Variants in SNTB2 observed in about 807,000 individuals in gnomAD.
SNTB2 encodes syntrophin beta 2, also known as beta-2-syntrophin.
In SNTB2, 34 loss-of-function variants were observed where a neutral mutation model predicts 46.2. The observed-to-expected ratio is 0.74, with a 90% CI of 0.56 to 0.98. The LOEUF is 0.98. SNTB2 is among the 50% of genes least tolerant of loss of function. SNTB2 has a pLI of 0.00. For synonymous variants in SNTB2, 290 were observed against 312.6 expected (o/e 0.93, Z 0.76); for missense variants, 603 against 731.4 (o/e 0.82, Z 2.02).
At chr16:69,209,200 T>C (rs1366895581) in intron 1 of SNTB2, among the ~76,000 whole-genome samples, 1 of 152,154 alleles carries the variant, frequency 6.6e-6, no homozygotes, top group Non-Finnish European at 1.5e-5. Context: ...CTCGATCTCC[T>C]GACCTCATGA....
chr16:69,297,480 T>C (rs1319939961), intron 5 of SNTB2, among the ~76,000 whole-genome samples: 2 of 151,034 alleles, frequency 1.3e-5, no homozygotes, highest in Non-Finnish European at 2.9e-5. Context: ...TGGCCTAGTG[T>C]GGTGGCACGC....
intron 5 of SNTB2, among the ~76,000 whole-genome samples, chr16:69,288,662 G>A (rs1429614635): frequency 6.6e-6 from 1 of 152,156 alleles, no homozygotes; most frequent in African/African-American, 2.4e-5. Context: ...TAGAACTACT[G>A]TATGATCTAG....
At position 69,187,492 on chromosome 16, in the gene SNTB2, C is replaced by G; in HGVS notation, c.326C>G (p.Ala109Gly). The change falls in exon 1 of 7, where the codon GCG becomes GGG. Residue 109 changes from alanine (A) to glycine (G), a missense_variant. By Grantham distance (60) the Ala-to-Gly change is moderately conservative (BLOSUM62 0). Around this residue, in one of 2 missense-constraint regions of SNTB2, gnomAD observed 537 missense variants for 692.4 expected, o/e 0.78. Coordinates refer to ENST00000336278, the MANE Select transcript of SNTB2 (RefSeq NM_006750.4). ...CGGGGCCCCGCGGGTGAGGCGGGCG[C>G]GTCGCCGCCCGTGCGCCGGGTGCGG... ...PPRGPAGEAGASPPVRRVRVV... is the reference protein window; with the variant it reads ...PPRGPAGEAGGSPPVRRVRVV... The G allele has an allele frequency of 1.6e-6, 2 of 1,246,760 alleles. No homozygotes were observed. The highest frequency in any genetic ancestry group is 2.0e-6 in the Non-Finnish European group (2 of 988,446). The allele number at this position is 1,246,760 out of a possible 1,614,324, so 77.2% of individuals were successfully genotyped here.
At chr16:69,223,043 T>C (rs1318042677) in intron 1 of SNTB2, among the ~76,000 whole-genome samples, 1 of 151,982 alleles carries the variant, frequency 6.6e-6, no homozygotes, top group Non-Finnish European at 1.5e-5. Context: ...CTCGGCCTCC[T>C]GAAGTACTTG....
intron 5 of SNTB2, among the ~76,000 whole-genome samples, chr16:69,292,473 C>T (rs1965183220): frequency 8.5e-6 from 1 of 117,676 alleles, no homozygotes; most frequent in Non-Finnish European, 1.7e-5. Context: ...CAGAGTTTTG[C>T]TCTTGTTGCC....
At chr16:69,204,442 G>A (rs1468195426) in intron 1 of SNTB2, among the ~76,000 whole-genome samples, 2 of 152,146 alleles carry the variant, frequency 1.3e-5, no homozygotes, top group African/African-American at 4.8e-5. Flanking sequence ...AACATGTTGA[G>A]ACAGTAGTTA....
intron 5 of SNTB2, 132 bp downstream of exon 5, chr16:69,284,376 A>ATTTT: frequency 5.5e-6 from 3 of 544,562 alleles, no homozygotes; most frequent in Non-Finnish European, 8.6e-6. Context: ...ATACTACTAT[A>ATTTT]TTTTTACTAT....
intron 4 of SNTB2, among the ~76,000 whole-genome samples, chr16:69,274,207 G>A (rs1040063052): frequency 2.0e-5 from 3 of 151,634 alleles, no homozygotes; most frequent in Non-Finnish European, 4.4e-5. Flanking sequence ...AGCTACTTGG[G>A]AAGCTAAGGC....
At position 69,307,524 on chromosome 16, in the gene SNTB2, T is replaced by C. The variant is rs147461630; in HGVS notation, c.*6600T>C. On this transcript the variant is annotated 3_prime_UTR_variant, in exon 7 of 7. Coordinates refer to ENST00000336278, the MANE Select transcript of SNTB2 (RefSeq NM_006750.4). Reference sequence around the variant, plus strand: ...AAGTCTTTCTTAAAAAATGCTTCTTTAACTGTAACAGCAAAACTAAATGCA... The same window carrying C: ...AAGTCTTTCTTAAAAAATGCTTCTTCAACTGTAACAGCAAAACTAAATGCA... The C allele has an allele frequency of 3.3e-5, 5 of 151,730 alleles. No homozygotes were observed. The highest frequency in any genetic ancestry group is 7.4e-5 in the Non-Finnish European group (5 of 67,842). The allele number at this position is 151,730 out of a possible 1,614,324, so 9.4% of individuals were successfully genotyped here. A position where few individuals can be genotyped will look rare whatever the true frequency, so the allele number is the denominator to read the frequency against.
chr16:69,196,653 G>C, intron 1 of SNTB2, among the ~76,000 whole-genome samples: 1 of 152,204 alleles, frequency 6.6e-6, no homozygotes. Flanking sequence ...GATTACAGGC[G>C]TGAGCCACCG....
At chr16:69,208,394 A>C (rs1227541913) in intron 1 of SNTB2, among the ~76,000 whole-genome samples, 7 of 151,966 alleles carry the variant, frequency 4.6e-5, no homozygotes, top group Admixed American at 2.6e-4. Context: ...CAACAAGAGC[A>C]AAACTTCGTC....
At chr16:69,190,247 G>A (rs1322888660) in intron 1 of SNTB2, among the ~76,000 whole-genome samples, 6 of 152,118 alleles carry the variant, frequency 3.9e-5, no homozygotes, top group Admixed American at 6.6e-5. Flanking sequence ...AAAAACTGCC[G>A]TATCATCTCA....
chr16:69,306,246 TG>T lies in SNTB2; in HGVS notation c.*5323del, dbSNP rs1965315431. On this transcript the variant is annotated 3_prime_UTR_variant, in exon 7 of 7. Transcript: ENST00000336278. ...CTGTTTTTGTTTTTGGTTTTGGTTT[TG>T]TTTTTTTTTGTCTCTCTGACTAGCT... is the stretch of plus-strand genomic sequence containing the variant. 1 of 151,862 alleles carries T rather than the reference TG, an allele frequency of 6.6e-6. No individual in the cohort carries two copies. The highest frequency in any genetic ancestry group is 2.1e-4 in the South Asian group (1 of 4,836). The allele number at this position is 151,862 out of a possible 1,614,324, so 9.4% of individuals were successfully genotyped here.
intron 1 of SNTB2, among the ~76,000 whole-genome samples, chr16:69,200,473 A>AT (rs758670695): frequency 6.6e-6 from 1 of 152,138 alleles, no homozygotes; most frequent in Non-Finnish European, 1.5e-5. Flanking sequence ...TTTCAGGCCC[A>AT]TGGGTTGAAA....
chr16:69,263,057 T>C (rs1480191920), intron 3 of SNTB2, among the ~76,000 whole-genome samples: 1 of 152,038 alleles, frequency 6.6e-6, no homozygotes, highest in Admixed American at 6.6e-5. Context: ...AACATCTCAC[T>C]TTCCCCATCT....
chr16:69,245,901 G>T lies in SNTB2; in HGVS notation c.794+86G>T, dbSNP rs1316332124. The T allele has an allele frequency of 2.3e-6, 3 of 1,325,104 alleles. No individual in the cohort carries two copies. The African/African-American group carries it at 4.4e-5, about 19-fold the overall frequency. 82.1% of individuals were successfully genotyped at this position (1,325,104 alleles called of 1,614,324 possible). On this transcript the variant is annotated intron_variant, in intron 2 of 6. Transcript: ENST00000336278. ...AGTATTATATGACTCTGTTAACTCA[G>T]TTATACAGAGGAAAACATCTGTCTG...
At chr16:69,275,587 G>A (rs181962726) in intron 4 of SNTB2, among the ~76,000 whole-genome samples, 1 of 152,306 alleles carries the variant, frequency 6.6e-6, no homozygotes, top group East Asian at 1.9e-4. Flanking sequence ...GTAACCCTGA[G>A]AGAGACAAGA....
At chr16:69,262,179 A>G in intron 3 of SNTB2, among the ~76,000 whole-genome samples, 1 of 152,230 alleles carries the variant, frequency 6.6e-6, no homozygotes, top group East Asian at 1.9e-4. Flanking sequence ...TTATCTGCAT[A>G]TATTCAGTTC....
chr16:69,288,308 G>C (rs918456576), intron 5 of SNTB2, among the ~76,000 whole-genome samples: 2 of 152,170 alleles, frequency 1.3e-5, no homozygotes, highest in African/African-American at 4.8e-5. Flanking sequence ...AGCTTCCCAG[G>C]CTCATAGTTG....
Sources: allele counts gnomAD v4.1 joint callset (sites outside exome capture counted in the v4.1 genomes callset), GRCh38; gene constraint gnomAD v4.1.1; regional missense constraint gnomAD v4.1.1; transcripts MANE v1.5; gene names NCBI Gene and HGNC (gene_info 2026-07-23, HGNC 2026-07-21).